Variants in RAB23 observed in about 807,000 individuals in gnomAD.
The protein encoded by RAB23 is ras-related protein Rab-23.
RAB23 carries 15 observed loss-of-function variants against 30.0 expected under a neutral mutation model. The observed-to-expected ratio is 0.50, with a 90% confidence interval of 0.33 to 0.77. The LOEUF (loss-of-function observed/expected upper bound fraction) is 0.77. RAB23 is among the 30% of genes least tolerant of loss of function. The pLI is 0.02. For synonymous variants in RAB23, 93 were observed against 94.0 expected (o/e 0.99, Z 0.06); for missense variants, 243 against 275.4 (o/e 0.88, Z 0.83).
intron 5 of RAB23, among the ~76,000 whole-genome samples, 194 bp from the exon 6 acceptor site, chr6:57,194,128 G>A (rs1375607615): frequency 6.6e-6 from 1 of 152,072 alleles, no homozygotes; most frequent in Non-Finnish European, 1.5e-5. Flanking sequence ...ATTAACAAAT[G>A]TATAATGGTA....
At position 57,187,741 on chromosome 6, in the gene RAB23, A is replaced by T. The variant is rs1764657112; in HGVS notation, c.*2720T>A. ...TAAAACTCACAGGTCCAAGGAGTAC[A>T]TGTTATTTATTGAGAGTTCCTTCTG... On this transcript the variant is annotated 3_prime_UTR_variant, in exon 7 of 7. Transcript: ENST00000468148. The T allele has an allele frequency of 6.6e-6, 1 of 152,178 alleles. No homozygotes were observed. Among genetic ancestry groups the T allele is most frequent in the African/African-American group, 2.4e-5 (1 of 41,448 alleles). The allele number at this position is 152,178 out of a possible 1,614,324, so 9.4% of individuals were successfully genotyped here. A position where few individuals can be genotyped will look rare whatever the true frequency, so the allele number is the denominator to read the frequency against.
intron 3 of RAB23, among the ~76,000 whole-genome samples, chr6:57,205,101 T>C (rs1483460928): frequency 6.7e-6 from 1 of 150,114 alleles, no homozygotes; most frequent in Admixed American, 6.7e-5. Flanking sequence ...TTTATAAATA[T>C]ATATACACTG....
At chr6:57,216,022 G>C (rs961405322) in intron 1 of RAB23, among the ~76,000 whole-genome samples, 4 of 152,158 alleles carry the variant, frequency 2.6e-5, no homozygotes, top group Non-Finnish European at 5.9e-5. Flanking sequence ...ATATATAACA[G>C]TGGTCCTTTA....
rs781622209 is a variant in RAB23 at position 57,190,500 on chromosome 6, C to T, written c.675G>A (p.Lys225=). The T allele has an allele frequency of 6.3e-5, 101 of 1,613,942 alleles. 2 individuals are homozygous for T. In the South Asian group the frequency reaches 9.8e-4, roughly 16 times the overall value. The change falls in exon 7 of 7, where the codon AAG becomes AAA. Residue 225 remains lysine (K), a synonymous_variant. Coordinates refer to ENST00000468148, the MANE Select transcript of RAB23 (RefSeq NM_016277.5). ...INLRPNKQRT[K]KNRNPFSSCS... ...AGCTGCTAAAAGGATTTCTGTTTTT[C>T]TTGGTCCTTTGTTTGTTGGGTCTAA...
At chr6:57,214,595 C>A (rs946653978) in intron 1 of RAB23, among the ~76,000 whole-genome samples, 3 of 152,156 alleles carry the variant, frequency 2.0e-5, no homozygotes, top group African/African-American at 7.2e-5. Flanking sequence ...CGAGCCACTG[C>A]GCCCAGCCCA....
chr6:57,208,276 A>T (rs1323847021), intron 2 of RAB23, among the ~76,000 whole-genome samples: 2 of 152,146 alleles, frequency 1.3e-5, no homozygotes, highest in Non-Finnish European at 2.9e-5. Context: ...TCCTTAGGTC[A>T]GTGCCTGTTC....
intron 1 of RAB23, among the ~76,000 whole-genome samples, chr6:57,217,228 A>AC (rs761444414): frequency 4.6e-5 from 7 of 151,810 alleles, no homozygotes; most frequent in Admixed American, 2.0e-4. Context: ...AAAAAAAAAA[A>AC]CAAAATTAAC....
intron 1 of RAB23, among the ~76,000 whole-genome samples, chr6:57,217,911 A>G (rs1765909938): frequency 1.3e-5 from 2 of 152,220 alleles, no homozygotes; most frequent in African/African-American, 4.8e-5. Flanking sequence ...GGGGATAGCA[A>G]CATAGACTCT....
chr6:57,208,829 C>G (rs1765543516), intron 2 of RAB23, among the ~76,000 whole-genome samples: 1 of 152,036 alleles, frequency 6.6e-6, no homozygotes, highest in African/African-American at 2.4e-5. Context: ...TTGAGAACCC[C>G]TGGTTACATT....
chr6:57,203,109 C>A (rs746809095), intron 3 of RAB23, among the ~76,000 whole-genome samples: 5 of 146,476 alleles, frequency 3.4e-5, no homozygotes, highest in Non-Finnish European at 7.4e-5. Flanking sequence ...TGGGTTCAAG[C>A]TATTCTCATG....
chr6:57,200,178 A>G (rs1332979595), intron 3 of RAB23, among the ~76,000 whole-genome samples: 1 of 151,846 alleles, frequency 6.6e-6, no homozygotes, highest in Non-Finnish European at 1.5e-5. Flanking sequence ...GAACTCCCTC[A>G]AGCACTTCAA....
chr6:57,217,913 A>G (rs1440842597), intron 1 of RAB23, among the ~76,000 whole-genome samples: 2 of 152,214 alleles, frequency 1.3e-5, no homozygotes, highest in African/African-American at 4.8e-5. Flanking sequence ...GGATAGCAAC[A>G]TAGACTCTGC....
rs76385922 is a variant in RAB23 at position 57,216,829 on chromosome 6, G to A, written c.-66+4897C>T. Among the ~76,000 whole-genome samples, 58 of 137,180 alleles carry A rather than the reference G, an allele frequency of 4.2e-4. 1 individual carries two copies. Among genetic ancestry groups the A allele is most frequent in the East Asian group, 3.6e-3 (18 of 5,010 alleles). 90.0% of individuals were successfully genotyped at this position (137,180 alleles called of 152,430 possible). ...AGATGATATAAGGTAACTTCCAGAC[G>A]TTGCCGCGGCATTTATAAATTGTCA... On this transcript the variant is annotated intron_variant, in intron 1 of 6. Transcript: ENST00000468148.
intron 3 of RAB23, among the ~76,000 whole-genome samples, chr6:57,206,386 T>C (rs1405442222): frequency 6.6e-6 from 1 of 152,146 alleles, no homozygotes; most frequent in South Asian, 2.1e-4. Context: ...AGTAGGAGAC[T>C]ATAGAGGTTT....
Position 57,210,323 on chromosome 6 carries a change from C to T in RAB23, c.58G>A (p.Val20Ile). 1 of 1,613,970 alleles carries T rather than the reference C, an allele frequency of 6.2e-7. No individual in the cohort carries two copies. The highest frequency in any genetic ancestry group is 8.5e-7 in the Non-Finnish European group (1 of 1,179,838). Residue 20 changes from valine (V) to isoleucine (I), a missense_variant, in exon 2 of 7, where the codon GTT becomes ATT. Val to Ile is a conservative substitution (Grantham distance 29, BLOSUM62 3). Coordinates refer to ENST00000468148, the MANE Select transcript of RAB23 (RefSeq NM_016277.5). ...IKMVVVGNGA[V>I]GKSSMIQRYC... ...CGCTGAATCATACTTGATTTTCCAA[C>T]TGCTCCATTCCCTACAACCACCATC...
chr6:57,193,229 A>C (rs1764907941), intron 6 of RAB23, among the ~76,000 whole-genome samples: 1 of 151,806 alleles, frequency 6.6e-6, no homozygotes, highest in African/African-American at 2.4e-5. Context: ...AGAATCCAGG[A>C]AAAATCTAAG....
In RAB23 at chr6:57,202,024, A is replaced by G. The variant is rs562211492; in HGVS notation, c.242-5418T>C. Among the ~76,000 whole-genome samples the G allele has an allele frequency of 2.0e-5, 3 of 152,352 alleles. No homozygotes were observed. The East Asian group carries it at 5.8e-4, about 29-fold the overall frequency. ...AATACCTTTGAGCAATGGCTTTGAT[A>G]TAATGGGTCTTTTAAATGAATTATA... is the stretch of plus-strand genomic sequence containing the variant. On this transcript the variant is annotated intron_variant, in intron 3 of 6. Coordinates refer to ENST00000468148, the MANE Select transcript of RAB23 (RefSeq NM_016277.5).
At chr6:57,191,549 A>T (rs928403437) in intron 6 of RAB23, among the ~76,000 whole-genome samples, 1 of 150,910 alleles carries the variant, frequency 6.6e-6, no homozygotes. Flanking sequence ...TCTTGGAGTC[A>T]ATTGATTCTC....
At chr6:57,200,165 T>C (rs182016111) in intron 3 of RAB23, among the ~76,000 whole-genome samples, 154 of 151,874 alleles carry the variant, frequency 1.0e-3, no homozygotes, top group Admixed American at 1.8e-3. Context: ...GCTGCACAAC[T>C]CTGAACTCCC....
Sources: allele counts gnomAD v4.1 joint callset (sites outside exome capture counted in the v4.1 genomes callset), GRCh38; gene constraint gnomAD v4.1.1; transcripts MANE v1.5; gene names NCBI Gene and HGNC (gene_info 2026-07-23, HGNC 2026-07-21).